Variants in NBEA observed in about 807,000 individuals in gnomAD.
NBEA encodes the protein lysosomal-trafficking regulator 2.
Under a neutral mutation model 343.4 loss-of-function variants are expected in NBEA, and 44 were observed. The ratio of observed to expected loss-of-function variants is 0.13; its 90% CI spans 0.10 to 0.16. NBEA has a LOEUF of 0.16. Among genes scored for constraint, NBEA ranks in the 10% least tolerant of loss-of-function variants. NBEA has a pLI of 1.00. For synonymous variants in NBEA, 1,175 were observed against 1,238.7 expected, an observed-to-expected ratio of 0.95 and a Z score of 1.08; for missense variants, 2,555 against 3,631.3, an observed-to-expected ratio of 0.70 and a Z score of 7.62.
chr13:35,477,912 G>A (rs142128983), intron 41 of NBEA, among the ~76,000 whole-genome samples: 1 of 152,248 alleles, frequency 6.6e-6, no homozygotes, highest in Non-Finnish European at 1.5e-5. Context: ...TGGTGGTCCA[G>A]TTGTGTCCTC....
intron 34 of NBEA, chr13:35,251,457 CAG>C (rs770717885): frequency 2.5e-5 from 27 of 1,059,894 alleles, no homozygotes; most frequent in Non-Finnish European, 3.1e-5. Context: ...ACTTATCACT[CAG>C]AGAGAGCTGT....
At chr13:35,611,045 G>GA (rs35066386) in intron 48 of NBEA, among the ~76,000 whole-genome samples, 44,225 of 141,766 alleles carry the variant, frequency 0.31, 6,904 homozygotes, top group African/African-American at 0.35. Flanking sequence ...TTAAAAGGGG[G>GA]AAAAAAAAAA....
intron 36 of NBEA, among the ~76,000 whole-genome samples, chr13:35,322,320 A>G (rs2038213179): frequency 6.6e-6 from 1 of 152,182 alleles, no homozygotes; most frequent in African/African-American, 2.4e-5. Flanking sequence ...CCCATGGCAC[A>G]GTCCCTCACG....
chr13:35,068,335 G>T (rs922451148), intron 8 of NBEA, among the ~76,000 whole-genome samples: 15 of 152,100 alleles, frequency 9.9e-5, no homozygotes, highest in Non-Finnish European at 2.9e-5. Context: ...TCTTTTAAGA[G>T]AATATATTAA....
chr13:35,548,817 T>G (rs2079181269), intron 41 of NBEA, among the ~76,000 whole-genome samples: 2 of 152,142 alleles, frequency 1.3e-5, no homozygotes, highest in African/African-American at 4.8e-5. Context: ...ATATAAATTG[T>G]GGCAAGTCAC....
At chr13:35,034,657 A>C (rs1593533860) in intron 1 of NBEA, among the ~76,000 whole-genome samples, 1 of 151,638 alleles carries the variant, frequency 6.6e-6, no homozygotes, top group East Asian at 1.9e-4. Context: ...AGAATTCAGC[A>C]GTGAAGTGCT....
intron 36 of NBEA, among the ~76,000 whole-genome samples, chr13:35,323,214 G>C (rs535138544): frequency 6.6e-6 from 1 of 152,084 alleles, no homozygotes; most frequent in Non-Finnish European, 1.5e-5. Context: ...CCATTACTGG[G>C]TATATACCCA....
At chr13:35,427,732 G>A (rs2044795402) in intron 38 of NBEA, among the ~76,000 whole-genome samples, 1 of 152,228 alleles carries the variant, frequency 6.6e-6, no homozygotes, top group Non-Finnish European at 1.5e-5. Context: ...GCCTGCAGAA[G>A]TGGAGCCTAC....
intron 41 of NBEA, among the ~76,000 whole-genome samples, chr13:35,507,789 A>G (rs1463622460): frequency 6.6e-6 from 1 of 152,178 alleles, no homozygotes; most frequent in East Asian, 1.9e-4. Flanking sequence ...TGCACCCCGT[A>G]CAATGAAATA....
At chr13:35,284,039 A>AAT in intron 34 of NBEA, among the ~76,000 whole-genome samples, 1 of 152,064 alleles carries the variant, frequency 6.6e-6, no homozygotes, top group African/African-American at 2.4e-5. Flanking sequence ...GTACACACAC[A>AAT]TCTTGGGATG....
chr13:35,048,456 G>C, intron 4 of NBEA, 107 bp from the exon 5 acceptor site: 1 of 1,003,728 alleles, frequency 1.0e-6, no homozygotes. Flanking sequence ...TGATTTTCTG[G>C]TATTTATACT....
intron 1 of NBEA, among the ~76,000 whole-genome samples, chr13:35,018,151 C>G (rs2061716283): frequency 6.6e-6 from 1 of 152,002 alleles, no homozygotes; most frequent in Non-Finnish European, 1.5e-5. Flanking sequence ...ATTTTTGTGG[C>G]TTCCTTGTAA....
chr13:35,048,657 T>A lies in NBEA; in HGVS notation c.818T>A (p.Val273Asp). Reference sequence around the variant, plus strand: ...ATGGATCCATTAAATAATATTAATGTTGATAAGGATAAACCTTATCTTTAT... The same window carrying A: ...ATGGATCCATTAAATAATATTAATGATGATAAGGATAAACCTTATCTTTAT... ...FRMDPLNNIN[V>D]DKDKPYLYCF... is the part of the protein sequence containing the mutation. Residue 273 changes from valine to aspartate, a missense_variant, in exon 5 of 59, where the codon GTT becomes GAT. Physicochemically the swap from Val to Asp is radical, Grantham distance 152 (BLOSUM62 -3). Around this residue, in one of 21 missense-constraint regions of NBEA, gnomAD observed 185 missense variants for 290.6 expected, o/e 0.64. Transcript: ENST00000379939. 1 of 1,408,048 alleles carries A rather than the reference T, an allele frequency of 7.1e-7. No individual in the cohort carries two copies. Among genetic ancestry groups the A allele is most frequent in the Non-Finnish European group, 1.0e-6 (1 of 1,004,900 alleles). The allele number at this position is 1,408,048 out of a possible 1,614,324, so 87.2% of individuals were successfully genotyped here.
At chr13:35,567,507 A>T (rs1324478276) in intron 45 of NBEA, among the ~76,000 whole-genome samples, 1 of 152,236 alleles carries the variant, frequency 6.6e-6, no homozygotes, top group Non-Finnish European at 1.5e-5. Context: ...AACGGTAATG[A>T]GAAATAAAAG....
At chr13:35,332,871 C>G (rs1009210320) in intron 36 of NBEA, among the ~76,000 whole-genome samples, 2 of 152,086 alleles carry the variant, frequency 1.3e-5, no homozygotes, top group African/African-American at 2.4e-5. Context: ...CATCATGAGT[C>G]TTAAAAGTGT....
chr13:35,160,035 A>G lies in NBEA; in HGVS notation c.3861+3A>G, dbSNP rs750906982. ...TCCAAACAACTACTACGACACAAGT[A>G]AGCTACCTTATATGAGTTCTAGAAA... is the stretch of plus-strand genomic sequence containing the variant. On this transcript the variant is annotated splice_donor_region_variant and intron_variant, in intron 22 of 58. Coordinates refer to ENST00000379939, the MANE Select transcript of NBEA (RefSeq NM_001385012.1). 3 of 1,558,758 alleles carry G rather than the reference A, an allele frequency of 1.9e-6. No individual in the cohort carries two copies. Among genetic ancestry groups the G allele is most frequent in the Non-Finnish European group, 8.6e-7 (1 of 1,156,476 alleles).
chr13:35,219,599 A>G (rs1250671489), intron 33 of NBEA, among the ~76,000 whole-genome samples: 2 of 152,168 alleles, frequency 1.3e-5, no homozygotes, highest in Non-Finnish European at 2.9e-5. Flanking sequence ...TGATTATGGA[A>G]ACTGAAAATT....
At chr13:35,617,708 A>C (rs2082798495) in intron 48 of NBEA, among the ~76,000 whole-genome samples, 1 of 152,050 alleles carries the variant, frequency 6.6e-6, no homozygotes, top group Non-Finnish European at 1.5e-5. Context: ...CCTTCATAGC[A>C]CCTTTTTCAT....
At chr13:35,405,143 C>T (rs969405503) in intron 38 of NBEA, among the ~76,000 whole-genome samples, 2 of 152,062 alleles carry the variant, frequency 1.3e-5, no homozygotes, top group African/African-American at 4.8e-5. Context: ...TTTTTGAAAA[C>T]ATATTGTTGT....
Sources: allele counts gnomAD v4.1 joint callset (sites outside exome capture counted in the v4.1 genomes callset), GRCh38; gene constraint gnomAD v4.1.1; regional missense constraint gnomAD v4.1.1; transcripts MANE v1.5; gene names NCBI Gene and HGNC (gene_info 2026-07-23, HGNC 2026-07-21).